Variants in RGS6 observed in about 807,000 individuals in gnomAD.
RGS6 encodes regulator of G-protein signaling 6.
In RGS6, 30 loss-of-function variants were observed where a neutral mutation model predicts 78.5. That is an observed-to-expected ratio of 0.38 (90% CI 0.29 to 0.52). The LOEUF (loss-of-function observed/expected upper bound fraction) is 0.52. Among genes scored for constraint, RGS6 ranks in the 20% least tolerant of loss-of-function variants. The pLI, the probability that RGS6 is intolerant of heterozygous loss-of-function variation, is 0.85. For missense variants in RGS6, 495 were observed against 609.7 expected, an observed-to-expected ratio of 0.81 and a Z score of 1.98; for synonymous variants, 206 against 206.0, an observed-to-expected ratio of 1.00 and a Z score of 0.00.
intron 2 of RGS6, among the ~76,000 whole-genome samples, chr14:72,281,229 G>C (rs1285177841): frequency 6.9e-6 from 1 of 145,814 alleles, no homozygotes; most frequent in Non-Finnish European, 1.5e-5. Context: ...GCTCACTGTA[G>C]CCTCCGCCTC....
At chr14:72,467,667 G>T (rs1219741818) in intron 7 of RGS6, among the ~76,000 whole-genome samples, 2 of 152,172 alleles carry the variant, frequency 1.3e-5, no homozygotes, top group African/African-American at 4.8e-5. Context: ...CAGTGCAGCA[G>T]TTTGTCCAGA....
chr14:72,451,473 C>T (rs935300911), intron 3 of RGS6, among the ~76,000 whole-genome samples: 2 of 152,078 alleles, frequency 1.3e-5, no homozygotes, highest in East Asian at 1.9e-4. Context: ...ACCCAGACAA[C>T]GGTGCTGAGC....
intron 2 of RGS6, among the ~76,000 whole-genome samples, chr14:72,012,134 T>C (rs2085885859): frequency 6.6e-6 from 1 of 152,220 alleles, no homozygotes; most frequent in African/African-American, 2.4e-5. Context: ...TTATTTTGGA[T>C]ATAAGTGATT....
intron 2 of RGS6, among the ~76,000 whole-genome samples, chr14:72,207,597 A>G (rs967716003): frequency 6.6e-6 from 1 of 152,140 alleles, no homozygotes; most frequent in Non-Finnish European, 1.5e-5. Context: ...CCTCTGGCAC[A>G]TCTTTGGCCA....
chr14:72,148,348 G>A (rs1011280811), intron 2 of RGS6, among the ~76,000 whole-genome samples: 2 of 151,080 alleles, frequency 1.3e-5, no homozygotes, highest in Non-Finnish European at 3.0e-5. Context: ...CAGTAAGCTG[G>A]TATTGTGCCA....
chr14:72,056,410 T>A (rs2093624018), intron 2 of RGS6, among the ~76,000 whole-genome samples: 1 of 152,194 alleles, frequency 6.6e-6, no homozygotes, highest in Non-Finnish European at 1.5e-5. Context: ...AAAACAGCCT[T>A]TAATCTCCTA....
intron 2 of RGS6, among the ~76,000 whole-genome samples, chr14:72,314,169 A>G (rs1212345326): frequency 6.6e-6 from 1 of 152,190 alleles, no homozygotes. Flanking sequence ...AGCCCAACTT[A>G]CAGTGTCTGT....
At chr14:71,973,539 G>A (rs996475597) in intron 2 of RGS6, among the ~76,000 whole-genome samples, 1 of 152,168 alleles carries the variant, frequency 6.6e-6, no homozygotes, top group Admixed American at 6.5e-5. Flanking sequence ...ACAAAAATTG[G>A]CCAGGCATGG....
At chr14:72,043,279 T>C (rs1416196695) in intron 2 of RGS6, among the ~76,000 whole-genome samples, 2 of 152,144 alleles carry the variant, frequency 1.3e-5, no homozygotes, top group African/African-American at 4.8e-5. Context: ...AGTAACTTTT[T>C]TCCTTTGCTG....
At chr14:72,362,960 A>T (rs2081754346) in intron 3 of RGS6, among the ~76,000 whole-genome samples, 1 of 152,244 alleles carries the variant, frequency 6.6e-6, no homozygotes, top group South Asian at 2.1e-4. Flanking sequence ...CATAGCCTCA[A>T]ATACATGACA....
intron 2 of RGS6, among the ~76,000 whole-genome samples, chr14:72,235,050 C>T (rs750007526): frequency 4.6e-5 from 7 of 152,018 alleles, no homozygotes; most frequent in African/African-American, 9.7e-5. Context: ...TGCCATCTGA[C>T]GTGGTATTTA....
chr14:72,224,206 C>A (rs1218603814), intron 2 of RGS6, among the ~76,000 whole-genome samples: 1 of 152,126 alleles, frequency 6.6e-6, no homozygotes, highest in Admixed American at 6.5e-5. Context: ...ATTGCTTGAG[C>A]TCAGGAGTTC....
chr14:71,984,488 A>AAAAAAAAAAG, intron 2 of RGS6, among the ~76,000 whole-genome samples: 1 of 150,206 alleles, frequency 6.7e-6, no homozygotes, highest in African/African-American at 2.4e-5. Context: ...CAAAAAGAAA[A>AAAAAAAAAAG]AAAAAAAGTT....
At chr14:71,884,308 G>T in the RGS6 span, among the ~76,000 whole-genome samples, 2 of 152,212 alleles carry the variant, frequency 1.3e-5, no homozygotes, top group African/African-American at 4.8e-5. Context: ...GGAGCTGACA[G>T]TCCAGCCAGA....
intron 2 of RGS6, among the ~76,000 whole-genome samples, chr14:72,093,071 A>G (rs1179319118): frequency 6.6e-6 from 1 of 151,972 alleles, no homozygotes; most frequent in South Asian, 2.1e-4. Context: ...TATAAAGAAT[A>G]CCAATATAAC....
chr14:71,883,488 T>C, the RGS6 span, among the ~76,000 whole-genome samples: 2 of 152,126 alleles, frequency 1.3e-5, no homozygotes, highest in African/African-American at 2.4e-5. Flanking sequence ...CAACCCTCAG[T>C]GTGGCCCGGC....
intron 17 of RGS6, among the ~76,000 whole-genome samples, chr14:72,545,908 G>C (rs917978421): frequency 2.2e-5 from 3 of 136,376 alleles, no homozygotes; most frequent in African/African-American, 6.8e-5. Flanking sequence ...TGGATGCCCA[G>C]CTGTGTGTGT....
At chr14:72,125,762 G>A (rs2096175448) in intron 2 of RGS6, among the ~76,000 whole-genome samples, 1 of 152,136 alleles carries the variant, frequency 6.6e-6, no homozygotes, top group South Asian at 2.1e-4. Context: ...TCATGAAATG[G>A]CATTGTTAGC....
At chr14:72,470,579 A>T (rs200438846) in intron 8 of RGS6, among the ~76,000 whole-genome samples, 1 of 152,182 alleles carries the variant, frequency 6.6e-6, no homozygotes, top group Non-Finnish European at 1.5e-5. Context: ...TATTACATTA[A>T]TTAAAAGCAA....
Sources: gnomAD v4.1 joint callset for allele counts (sites outside exome capture counted in the v4.1 genomes callset) on GRCh38, gnomAD v4.1.1 for gene constraint, MANE v1.5 for transcripts, NCBI Gene and HGNC (gene_info 2026-07-23, HGNC 2026-07-21) for gene names.